GRID2: variants seen among roughly 807,000 people sequenced by gnomAD.
GRID2 encodes the protein glutamate receptor ionotropic, delta-2.
GRID2 carries 33 observed loss-of-function variants against 114.8 expected under a neutral mutation model. The observed-to-expected ratio is 0.29, with a 90% confidence interval of 0.22 to 0.38. The LOEUF is 0.38. Among genes scored for constraint, GRID2 ranks in the 10% least tolerant of loss-of-function variants. The probability of loss-of-function intolerance (pLI) is 1.00; values close to 1 mark genes in which losing one functional copy is unlikely to be tolerated. For missense variants in GRID2, 1,184 were observed against 1,257.7 expected (o/e 0.94, Z 0.89); for synonymous variants, 505 against 449.9 (o/e 1.12, Z -1.55).
intron 1 of GRID2, among the ~76,000 whole-genome samples, chr4:92,441,232 A>C (rs1733054567): frequency 6.6e-6 from 1 of 152,166 alleles, no homozygotes; most frequent in African/African-American, 2.4e-5. Context: ...CAAGATTGGC[A>C]GGGAGAGCAC....
chr4:93,110,417 CCTT>C (rs1442907931), intron 3 of GRID2, among the ~76,000 whole-genome samples: 2 of 152,118 alleles, frequency 1.3e-5, no homozygotes, highest in South Asian at 2.1e-4. Context: ...AATGTCTTTC[CCTT>C]CTTCTTGTTT....
intron 2 of GRID2, among the ~76,000 whole-genome samples, chr4:93,079,450 A>G (rs1729653180): frequency 6.6e-6 from 1 of 151,768 alleles, no homozygotes; most frequent in Non-Finnish European, 1.5e-5. Context: ...TTTTGTAATA[A>G]GGGAGAGTTA....
chr4:92,924,502 T>C (rs1256381006), intron 2 of GRID2, among the ~76,000 whole-genome samples: 1 of 152,190 alleles, frequency 6.6e-6, no homozygotes, highest in Non-Finnish European at 1.5e-5. Context: ...AAGTTTTGTT[T>C]GTTAAGAAGA....
chr4:93,370,453 GCA>G (rs1268423818), intron 8 of GRID2, among the ~76,000 whole-genome samples: 1 of 128,726 alleles, frequency 7.8e-6, no homozygotes, highest in Non-Finnish European at 1.7e-5. Context: ...ACACACACAC[GCA>G]CACACAAACA....
chr4:92,935,802 G>A (rs1381679023), intron 2 of GRID2, among the ~76,000 whole-genome samples: 2 of 143,218 alleles, frequency 1.4e-5, no homozygotes, highest in Non-Finnish European at 3.1e-5. Flanking sequence ...ACCAAACACT[G>A]CATGTTCTCA....
At chr4:93,350,885 G>T (rs747559797) in intron 8 of GRID2, among the ~76,000 whole-genome samples, 4 of 152,034 alleles carry the variant, frequency 2.6e-5, no homozygotes, top group Non-Finnish European at 5.9e-5. Flanking sequence ...TATTTATAAA[G>T]GAAAGAGTTT....
chr4:92,705,480 C>T (rs1205231685), intron 2 of GRID2, among the ~76,000 whole-genome samples: 1 of 152,158 alleles, frequency 6.6e-6, no homozygotes, highest in Admixed American at 6.5e-5. Context: ...CACTCTGGGG[C>T]ATACTCCCTT....
At chr4:93,381,330 T>C (rs1037267631) in intron 8 of GRID2, among the ~76,000 whole-genome samples, 1 of 152,086 alleles carries the variant, frequency 6.6e-6, no homozygotes, top group African/African-American at 2.4e-5. Flanking sequence ...ATAAGGTATT[T>C]GTTATTTTGT....
chr4:92,326,448 T>TAATA (rs1183970811), intron 1 of GRID2, among the ~76,000 whole-genome samples: 1 of 151,890 alleles, frequency 6.6e-6, no homozygotes, highest in Non-Finnish European at 1.5e-5. Context: ...ATCATGAATG[T>TAATA]AATAAATAAA....
chr4:92,633,320 T>C (rs904636178), intron 2 of GRID2, among the ~76,000 whole-genome samples: 29 of 152,182 alleles, frequency 1.9e-4, no homozygotes, highest in African/African-American at 6.8e-4. Context: ...AGTAGCTTTA[T>C]GAAAATACAA....
intron 12 of GRID2, among the ~76,000 whole-genome samples, chr4:93,491,098 A>G (rs1726958969): frequency 6.6e-6 from 1 of 151,232 alleles, no homozygotes; most frequent in Non-Finnish European, 1.5e-5. Context: ...GAAAAGGAAG[A>G]AAAAAAAGAG....
At chr4:92,831,252 A>C (rs1742080311) in intron 2 of GRID2, among the ~76,000 whole-genome samples, 1 of 152,174 alleles carries the variant, frequency 6.6e-6, no homozygotes, top group African/African-American at 2.4e-5. Flanking sequence ...AAATTTACCA[A>C]AGAACCAAAG....
intron 8 of GRID2, among the ~76,000 whole-genome samples, chr4:93,263,924 C>A (rs1750526259): frequency 6.6e-6 from 1 of 152,118 alleles, no homozygotes. Context: ...CAACTGAAAG[C>A]AGTTTCAAGT....
intron 2 of GRID2, among the ~76,000 whole-genome samples, chr4:92,809,911 A>G (rs1275080167): frequency 6.6e-6 from 1 of 151,986 alleles, no homozygotes; most frequent in Non-Finnish European, 1.5e-5. Flanking sequence ...AATTCCTGTT[A>G]ATGTCTGACC....
chr4:93,064,280 T>A (rs1198957709), intron 2 of GRID2, among the ~76,000 whole-genome samples: 1 of 151,628 alleles, frequency 6.6e-6, no homozygotes, highest in African/African-American at 2.4e-5. Flanking sequence ...AATGCCTTTT[T>A]TTGTGTGTAA....
chr4:93,354,811 A>G (rs1761163587), intron 8 of GRID2, among the ~76,000 whole-genome samples: 1 of 77,704 alleles, frequency 1.3e-5, no homozygotes. Context: ...TATTTTATAA[A>G]TAAGATATAT....
At chr4:93,679,429 T>A (rs1725277949) in intron 14 of GRID2, among the ~76,000 whole-genome samples, 1 of 150,922 alleles carries the variant, frequency 6.6e-6, no homozygotes, top group African/African-American at 2.5e-5. Flanking sequence ...CAAGCAGACC[T>A]AATAGACATC....
chr4:92,858,658 C>T (rs938747421), intron 2 of GRID2, among the ~76,000 whole-genome samples: 5 of 152,090 alleles, frequency 3.3e-5, no homozygotes, highest in Admixed American at 2.0e-4. Flanking sequence ...CCCAGGTTCA[C>T]GCTATTCTTC....
chr4:92,655,594 T>G (rs544920068), intron 2 of GRID2, among the ~76,000 whole-genome samples: 1 of 151,994 alleles, frequency 6.6e-6, no homozygotes, highest in South Asian at 2.1e-4. Flanking sequence ...CTTTCACTTC[T>G]TTGGTTAAAT....
Sources: allele counts gnomAD v4.1 joint callset (sites outside exome capture counted in the v4.1 genomes callset), GRCh38; gene constraint gnomAD v4.1.1; transcripts MANE v1.5; gene names NCBI Gene and HGNC (gene_info 2026-07-23, HGNC 2026-07-21).